Variants in EPC1 observed in about 807,000 individuals in gnomAD.
EPC1 encodes the protein enhancer of polycomb 1, also known as enhancer of polycomb homolog 1.
EPC1 carries 12 observed loss-of-function variants against 98.4 expected under a neutral mutation model. That is an observed-to-expected ratio of 0.12 (90% confidence interval 0.08 to 0.20). The LOEUF (loss-of-function observed/expected upper bound fraction) is 0.20. Ranked by LOEUF, EPC1 falls within the 10% of genes least tolerant of loss-of-function variation. The probability of loss-of-function intolerance (pLI) is 1.00; values close to 1 mark genes in which losing one functional copy is unlikely to be tolerated. For synonymous variants in EPC1, 357 were observed against 363.9 expected, an observed-to-expected ratio of 0.98 and a Z score of 0.21; for missense variants, 729 against 990.5, an observed-to-expected ratio of 0.74 and a Z score of 3.54.
chr10:32,315,814 C>A (rs1298971586), intron 1 of EPC1, among the ~76,000 whole-genome samples: 2 of 152,328 alleles, frequency 1.3e-5, no homozygotes, highest in Admixed American at 6.5e-5. Context: ...CTGCCTGCAC[C>A]TTCATCTGTT....
At chr10:32,301,062 C>G (rs1442236995) in intron 2 of EPC1, among the ~76,000 whole-genome samples, 1 of 150,738 alleles carries the variant, frequency 6.6e-6, no homozygotes, top group African/African-American at 2.4e-5. Flanking sequence ...ATCTATCTAT[C>G]TATCTATCTA....
intron 1 of EPC1, among the ~76,000 whole-genome samples, chr10:32,359,388 C>A (rs938496308): frequency 6.6e-6 from 1 of 152,082 alleles, no homozygotes; most frequent in Non-Finnish European, 1.5e-5. Context: ...AACAAATTAA[C>A]GAGAAATGTT....
Position 32,291,050 on chromosome 10 carries a change from T to A in EPC1, c.975+113A>T. The A allele has an allele frequency of 3.1e-6, 3 of 962,236 alleles. No individual in the cohort carries two copies. In the South Asian group the frequency reaches 4.9e-5, roughly 16 times the overall value. 59.6% of individuals were successfully genotyped at this position (962,236 alleles called of 1,614,324 possible). A position where few individuals can be genotyped will look rare whatever the true frequency, so the allele number is the denominator to read the frequency against. Reference sequence around the variant, plus strand: ...CCTCCGTGTCCCGAAGTGCTGGGATTACAGGCGTGAGCCACTGTGCCCGGC... The same window carrying A: ...CCTCCGTGTCCCGAAGTGCTGGGATAACAGGCGTGAGCCACTGTGCCCGGC... On this transcript the variant is annotated intron_variant, in intron 6 of 13. Transcript: ENST00000319778.
At chr10:32,288,312 CTTTTT>C (rs5784278) in intron 6 of EPC1, among the ~76,000 whole-genome samples, 3 of 124,100 alleles carry the variant, frequency 2.4e-5, no homozygotes, top group Admixed American at 8.3e-5. Context: ...TTACTTTTTT[CTTTTT>C]TTTTTTTTTT....
intron 2 of EPC1, among the ~76,000 whole-genome samples, chr10:32,294,725 CAA>C (rs781363998): frequency 4.2e-4 from 64 of 152,264 alleles, no homozygotes; most frequent in Non-Finnish European, 7.4e-4. Context: ...TGAATATAAG[CAA>C]AATATTAAAT....
intron 1 of EPC1, chr10:32,374,253 C>T (rs1047230184): frequency 1.3e-5 from 2 of 151,984 alleles, no homozygotes; most frequent in African/African-American, 4.8e-5. Flanking sequence ...AATTTTAGTT[C>T]TAATATAATA....
intron 1 of EPC1, among the ~76,000 whole-genome samples, chr10:32,319,935 T>TC (rs1384133574): frequency 6.6e-6 from 1 of 152,158 alleles, no homozygotes; most frequent in Admixed American, 6.5e-5. Flanking sequence ...CACCTTGGCC[T>TC]CCCAAAGTGC....
chr10:32,272,002 C>T, intron 12 of EPC1, 24 bp downstream of exon 12: 2 of 1,602,678 alleles, frequency 1.2e-6, no homozygotes, highest in African/African-American at 2.7e-5. Context: ...ATAACCCAAA[C>T]AATTTAAATG....
intron 13 of EPC1, 140 bp from the exon 14 acceptor site, chr10:32,269,275 TA>T: frequency 1.6e-6 from 1 of 618,364 alleles, no homozygotes; most frequent in Non-Finnish European, 2.8e-6. Context: ...AGTAGAGGAA[TA>T]CGAATCTTTA....
intron 1 of EPC1, among the ~76,000 whole-genome samples, chr10:32,318,431 C>G (rs76567888): frequency 1.3e-5 from 2 of 152,144 alleles, no homozygotes; most frequent in South Asian, 4.1e-4. Flanking sequence ...CTTGTATATA[C>G]GCACCCTTGC....
At chr10:32,363,809 C>G (rs1264736754) in intron 1 of EPC1, among the ~76,000 whole-genome samples, 1 of 152,018 alleles carries the variant, frequency 6.6e-6, no homozygotes, top group Non-Finnish European at 1.5e-5. Context: ...CTGTGCTTTT[C>G]CAAATAGCTA....
intron 1 of EPC1, among the ~76,000 whole-genome samples, chr10:32,317,742 A>C (rs957291272): frequency 3.9e-5 from 6 of 152,232 alleles, no homozygotes; most frequent in Non-Finnish European, 7.3e-5. Context: ...CAAGGAAAAG[A>C]GCAATTTAAT....
chr10:32,272,107 T>C lies in EPC1; in HGVS notation c.1924A>G (p.Thr642Ala), dbSNP rs1377672874. The C allele has an allele frequency of 6.2e-7, 1 of 1,613,914 alleles. No homozygotes were observed. The highest frequency in any genetic ancestry group is 1.1e-5 in the South Asian group (1 of 91,046). ...SAQFAASALV[T>A]SEQLMGFKMK... is the part of the protein sequence containing the mutation. The stretch of plus-strand genomic sequence containing the variant: ...TTGAATCCCATCAGTTGTTCTGATG[T>C]CACCAAAGCAGAAGCAGCAAACTGT... The change falls in exon 12 of 14, where the codon ACA (threonine) becomes GCA (alanine). Residue 642 changes from threonine (T) to alanine (A), a missense_variant. Around this residue, in one of 6 missense-constraint regions of EPC1, gnomAD observed 4 missense variants for 23.3 expected, o/e 0.17. Coordinates refer to ENST00000319778, the MANE Select transcript of EPC1 (RefSeq NM_001272004.3).
chr10:32,275,589 AC>A (rs1214154111), intron 10 of EPC1, among the ~76,000 whole-genome samples: 2 of 143,916 alleles, frequency 1.4e-5, no homozygotes, highest in East Asian at 4.1e-4. Context: ...ACACAGTGAA[AC>A]CCCATCTCTA....
chr10:32,291,043 C>T, intron 6 of EPC1, 120 bp downstream of exon 6: 1 of 881,666 alleles, frequency 1.1e-6, no homozygotes, highest in Non-Finnish European at 1.7e-6. Context: ...TCCCGAAGTG[C>T]TGGGATTACA....
chr10:32,313,076 ATTT>A (rs34808423), intron 1 of EPC1, among the ~76,000 whole-genome samples: 9 of 148,088 alleles, frequency 6.1e-5, no homozygotes, highest in Non-Finnish European at 6.0e-5. Flanking sequence ...TGAAACTTAG[ATTT>A]TTTTTTTTTA....
chr10:32,355,605 CCCTTTTT>C, intron 1 of EPC1, among the ~76,000 whole-genome samples: 1 of 128,812 alleles, frequency 7.8e-6, no homozygotes, highest in South Asian at 2.7e-4. Context: ...TAGTGCCTTA[CCCTTTTT>C]TTTTTTTTTT....
rs751718328 is a variant in EPC1 at position 32,284,895 on chromosome 10, T to C, written c.1547A>G (p.Gln516Arg). The stretch of plus-strand genomic sequence containing the variant: ...ACATGATTTGATATTGACTAGTATC[T>C]GACTGAGGTCTTTAGAGAAAGATTT... ...SDKSFSKDLS[Q>R]ILVNIKSCRW... is the part of the protein sequence containing the mutation. Residue 516 changes from glutamine (Q) to arginine (R), a missense_variant, in exon 10 of 14, where the codon CAG (glutamine) becomes CGG (arginine). Gln to Arg is a conservative substitution (Grantham distance 43). Transcript: ENST00000319778. 4.5e-5 allele frequency: 73 copies of C among 1,614,108 alleles called. No homozygotes were observed. Among genetic ancestry groups the C allele is most frequent in the Non-Finnish European group, 5.9e-5 (70 of 1,180,050 alleles).
rs567266434 is a variant in EPC1 at position 32,286,329 on chromosome 10, T to C, written c.1391+365A>G. The C allele has an allele frequency of 6.8e-4, 145 of 213,264 alleles. 1 individual carries two copies. The highest frequency in any genetic ancestry group is 3.2e-3 in the African/African-American group (140 of 43,832). The allele number at this position is 213,264 out of a possible 1,614,324, so 13.2% of individuals were successfully genotyped here. A position where few individuals can be genotyped will look rare whatever the true frequency, so the allele number is the denominator to read the frequency against. On this transcript the variant is annotated intron_variant, in intron 9 of 13. Transcript: ENST00000319778. ...TTTCACTGTCAGGTTAAACCCATTA[T>C]ACTAGCTAGTGTGAAACAACTTTTT...
Sources: gnomAD v4.1 joint callset for allele counts (sites outside exome capture counted in the v4.1 genomes callset) on GRCh38, gnomAD v4.1.1 for gene constraint, gnomAD v4.1.1 regional missense constraint, MANE v1.5 for transcripts, NCBI Gene and HGNC (gene_info 2026-07-23, HGNC 2026-07-21) for gene names.